ACSM1: variants seen among roughly 807,000 people sequenced by gnomAD.
ACSM1 encodes the protein acyl-coenzyme A synthetase ACSM1, mitochondrial.
ACSM1 carries 79 observed loss-of-function variants against 75.8 expected under a neutral mutation model. The observed-to-expected ratio is 1.04, with a 90% CI of 0.87 to 1.26. The LOEUF (loss-of-function observed/expected upper bound fraction) is 1.26, where lower values mean the gene tolerates loss of function less well. ACSM1 is among the 50% of genes most tolerant of loss of function. ACSM1 has a pLI of 0.00. For synonymous variants in ACSM1, 279 were observed against 265.8 expected (o/e 1.05, Z -0.48); for missense variants, 676 against 720.1 (o/e 0.94, Z 0.70).
chr16:20,636,596 G>T, intron 10 of ACSM1, 143 bp downstream of exon 10: 3 of 639,416 alleles, frequency 4.7e-6, no homozygotes, highest in Non-Finnish European at 5.5e-6. Context: ...ATGGGAGAAT[G>T]CACGGTGAGC....
intron 6 of ACSM1, 108 bp downstream of exon 6, chr16:20,669,719 C>T: frequency 1.7e-6 from 2 of 1,158,816 alleles, no homozygotes; most frequent in Non-Finnish European, 2.5e-6. Context: ...TCAGGATCAT[C>T]TTAGGCTCAT....
chr16:20,657,305 T>A (rs981883935), intron 7 of ACSM1, among the ~76,000 whole-genome samples: 2 of 151,938 alleles, frequency 1.3e-5, no homozygotes, highest in African/African-American at 4.8e-5. Flanking sequence ...TTTGGTTTTG[T>A]TTTTTGTTTT....
intron 2 of ACSM1, among the ~76,000 whole-genome samples, chr16:20,687,430 G>A (rs1474124199): frequency 2.6e-5 from 4 of 152,116 alleles, no homozygotes; most frequent in African/African-American, 9.7e-5. Context: ...TGCTAGAAAA[G>A]GCCTGAGAAG....
chr16:20,641,023 G>A (rs2018026108), intron 7 of ACSM1, among the ~76,000 whole-genome samples: 1 of 152,118 alleles, frequency 6.6e-6, no homozygotes. Flanking sequence ...GCTAACTAAA[G>A]GGCTTTTGTA....
At chr16:20,633,231 T>C (rs1038957965) in intron 10 of ACSM1, among the ~76,000 whole-genome samples, 1 of 152,188 alleles carries the variant, frequency 6.6e-6, no homozygotes, top group Non-Finnish European at 1.5e-5. Context: ...TATCTCTGCA[T>C]GCAGATGGCA....
chr16:20,666,545 T>C (rs1305450844), intron 6 of ACSM1, among the ~76,000 whole-genome samples: 3 of 152,212 alleles, frequency 2.0e-5, no homozygotes, highest in African/African-American at 7.2e-5. Flanking sequence ...AACATGACCA[T>C]ATTGCCTAAA....
intron 7 of ACSM1, among the ~76,000 whole-genome samples, chr16:20,651,837 G>C (rs1033380719): frequency 2.0e-5 from 3 of 151,846 alleles, no homozygotes; most frequent in African/African-American, 7.3e-5. Context: ...TAAAATTATT[G>C]GTAAAATAAT....
At chr16:20,624,736 C>T (rs1383772433) in intron 12 of ACSM1, among the ~76,000 whole-genome samples, 1 of 151,992 alleles carries the variant, frequency 6.6e-6, no homozygotes, top group Non-Finnish European at 1.5e-5. Context: ...TTCTTGTCGC[C>T]CAGACTGGCG....
intron 8 of ACSM1, 67 bp downstream of exon 8, chr16:20,640,394 C>T (rs1414080611): frequency 6.3e-7 from 1 of 1,590,768 alleles, no homozygotes; most frequent in Non-Finnish European, 8.6e-7. Context: ...TGTCATTAAC[C>T]TTAGCAAAAT....
intron 4 of ACSM1, among the ~76,000 whole-genome samples, chr16:20,676,625 A>G (rs182378268): frequency 6.6e-6 from 1 of 152,162 alleles, no homozygotes; most frequent in Middle Eastern, 3.2e-3. Flanking sequence ...AAAGCTGATC[A>G]GAGGCTTAAC....
chr16:20,624,218 G>T lies in ACSM1; in HGVS notation c.1528-3C>A. 1 of 1,605,640 alleles carries T rather than the reference G, an allele frequency of 6.2e-7. No individual in the cohort carries two copies. The highest frequency in any genetic ancestry group is 8.5e-7 in the Non-Finnish European group (1 of 1,174,936). ...AGGACAATAAAGGCCTTCACCACCTGCAGAATGAAGTCATGGGCTCACAGT... is the reference window on the plus strand; with the variant it reads ...AGGACAATAAAGGCCTTCACCACCTTCAGAATGAAGTCATGGGCTCACAGT... On this transcript the variant is annotated splice_region_variant and splice_polypyrimidine_tract_variant and intron_variant, in intron 12 of 13. Transcript: ENST00000520010.
rs1567307363 is a variant in ACSM1 at position 20,682,365 on chromosome 16, GGGCATCTAT to G, written c.493_501del (p.Ile165_Ala167del). On this transcript the variant is annotated inframe_deletion, in exon 4 of 14. Coordinates refer to ENST00000520010, the MANE Select transcript of ACSM1 (RefSeq NM_001318890.3). ...GCTATGGAGTCCACCTCTGAGGCAA[GGGCATCTAT>G]GGTCACAATGCCCTTGGCTTTAGAC... 1 of 1,614,062 alleles carries G rather than the reference GGGCATCTAT, an allele frequency of 6.2e-7. No individual in the cohort carries two copies. Among genetic ancestry groups the G allele is most frequent in the South Asian group, 1.1e-5 (1 of 91,068 alleles).
intron 7 of ACSM1, among the ~76,000 whole-genome samples, chr16:20,657,334 G>A (rs2019031392): frequency 6.6e-6 from 1 of 151,816 alleles, no homozygotes; most frequent in South Asian, 2.1e-4. Flanking sequence ...TTCACACAGA[G>A]TCTCTCTCTT....
chr16:20,640,339 CAA>C (rs1300335749), intron 8 of ACSM1, 120 bp downstream of exon 8: 2 of 1,193,904 alleles, frequency 1.7e-6, no homozygotes, highest in Non-Finnish European at 2.4e-6. Context: ...TTGAAGCCCT[CAA>C]AATCATCTTT....
intron 7 of ACSM1, among the ~76,000 whole-genome samples, chr16:20,652,264 T>C (rs995870417): frequency 6.6e-5 from 10 of 152,148 alleles, no homozygotes; most frequent in Non-Finnish European, 1.3e-4. Context: ...AGGTTATTAT[T>C]TGATATTAAG....
chr16:20,640,988 C>T (rs1421144916), intron 7 of ACSM1, among the ~76,000 whole-genome samples: 2 of 152,088 alleles, frequency 1.3e-5, no homozygotes, highest in African/African-American at 4.8e-5. Flanking sequence ...TAGAACTATA[C>T]ATTCTTTTAT....
At chr16:20,666,277 G>A (rs1443501558) in intron 6 of ACSM1, among the ~76,000 whole-genome samples, 1 of 152,124 alleles carries the variant, frequency 6.6e-6, no homozygotes, top group African/African-American at 2.4e-5. Flanking sequence ...AACAACTTCA[G>A]TAAAGTTCCA....
rs1232173069 is a variant in ACSM1 at position 20,671,471 on chromosome 16, ACACACAC to A, written c.752+53_752+59del. 83 of 1,507,464 alleles carry A rather than the reference ACACACAC, an allele frequency of 5.5e-5. No homozygotes were observed. In the African/African-American group the frequency reaches 1.0e-3, roughly 19 times the overall value. 93.4% of individuals were successfully genotyped at this position (1,507,464 alleles called of 1,614,324 possible). A position where few individuals can be genotyped will look rare whatever the true frequency, so the allele number is the denominator to read the frequency against. On this transcript the variant is annotated intron_variant, in intron 5 of 13. Transcript: ENST00000520010. ...CACACACACACACACACACACACAC[ACACACAC>A]AAACTTTGCCCACATCTGGGTCCAG...
At chr16:20,697,519 A>G (rs1045814008) in intron 1 of ACSM1, 117 bp downstream of exon 1, 1 of 151,602 alleles carries the variant, frequency 6.6e-6, no homozygotes, top group Non-Finnish European at 1.5e-5. Flanking sequence ...AAGGTCACTC[A>G]ACTTAAAAGT....
Sources: gnomAD v4.1 joint callset for allele counts (sites outside exome capture counted in the v4.1 genomes callset) on GRCh38, gnomAD v4.1.1 for gene constraint, MANE v1.5 for transcripts, NCBI Gene and HGNC (gene_info 2026-07-23, HGNC 2026-07-21) for gene names.